DLG2: variants seen among roughly 807,000 people sequenced by gnomAD.
The protein encoded by DLG2 is discs large MAGUK scaffold protein 2, also known as disks large homolog 2.
DLG2 carries 45 observed loss-of-function variants against 132.5 expected under a neutral mutation model. That is an observed-to-expected ratio of 0.34 (90% CI 0.27 to 0.44). DLG2 has a LOEUF of 0.44. Ranked by LOEUF, DLG2 falls within the 20% of genes least tolerant of loss-of-function variation. DLG2 has a pLI of 1.00. For synonymous variants in DLG2, 424 were observed against 419.6 expected (o/e 1.01, Z -0.13); for missense variants, 1,045 against 1,196.9 (o/e 0.87, Z 1.87).
At position 83,471,606 on chromosome 11, in the gene DLG2, G is replaced by A. The variant is rs771369935; in HGVS notation, c.2446+20C>T. 137 of 1,575,836 alleles carry A rather than the reference G, an allele frequency of 8.7e-5. No individual in the cohort carries two copies. Among genetic ancestry groups the A allele is most frequent in the African/African-American group, 1.4e-5 (1 of 73,958 alleles). On this transcript the variant is annotated intron_variant, in intron 24 of 27. Coordinates refer to ENST00000376104, the MANE Select transcript of DLG2 (RefSeq NM_001142699.3). ...CAAGCTCTTTTTGTTTTTCCTAGAG[G>A]AAAGAAAAATGACACTTACGAGGCA... is the stretch of plus-strand genomic sequence containing the variant.
At chr11:83,477,138 A>C (rs1591496032) in intron 22 of DLG2, among the ~76,000 whole-genome samples, 1 of 152,202 alleles carries the variant, frequency 6.6e-6, no homozygotes, top group East Asian at 1.9e-4. Context: ...TGATGATGTA[A>C]AGAGCTTTAC....
intron 6 of DLG2, among the ~76,000 whole-genome samples, chr11:84,692,185 A>T (rs1286481277): frequency 6.6e-6 from 1 of 151,802 alleles, no homozygotes; most frequent in African/African-American, 2.4e-5. Context: ...CCCCAAACTC[A>T]GGACTCATTT....
intron 3 of DLG2, among the ~76,000 whole-genome samples, chr11:85,357,085 T>C (rs2083758821): frequency 6.6e-6 from 1 of 152,066 alleles, no homozygotes; most frequent in South Asian, 2.1e-4. Flanking sequence ...GCTCAATAAA[T>C]TGTAACTATT....
At chr11:83,562,431 C>T (rs1037088473) in intron 19 of DLG2, among the ~76,000 whole-genome samples, 4 of 151,998 alleles carry the variant, frequency 2.6e-5, no homozygotes, top group Admixed American at 1.3e-4. Flanking sequence ...ACCATTTACC[C>T]CTGACCACCC....
At chr11:85,187,348 C>G (rs540180604) in intron 4 of DLG2, among the ~76,000 whole-genome samples, 1 of 151,968 alleles carries the variant, frequency 6.6e-6, no homozygotes, top group Admixed American at 6.6e-5. Context: ...GAGAAAAGAA[C>G]AAATAAAAAT....
chr11:85,162,777 T>A (rs565681035), intron 4 of DLG2, among the ~76,000 whole-genome samples: 99 of 152,294 alleles, frequency 6.5e-4, no homozygotes, highest in African/African-American at 2.4e-3. Context: ...TTATGTATGA[T>A]CTCAGGAGAT....
At chr11:84,087,694 T>A (rs1171474446) in intron 10 of DLG2, among the ~76,000 whole-genome samples, 1 of 152,130 alleles carries the variant, frequency 6.6e-6, no homozygotes, top group East Asian at 1.9e-4. Context: ...AATGAAGAGA[T>A]AGGATGATGG....
intron 3 of DLG2, among the ~76,000 whole-genome samples, chr11:85,513,361 TAG>T (rs1172840445): frequency 6.6e-6 from 1 of 151,866 alleles, no homozygotes; most frequent in East Asian, 1.9e-4. Flanking sequence ...AAATTAAAAA[TAG>T]AGTTTTTAAT....
At chr11:83,536,491 T>C (rs1032181650) in intron 20 of DLG2, among the ~76,000 whole-genome samples, 2 of 152,006 alleles carry the variant, frequency 1.3e-5, no homozygotes, top group African/African-American at 2.4e-5. Flanking sequence ...CCTAGCTCTT[T>C]CTGGGATGCA....
At chr11:85,248,981 A>G (rs1471007494) in intron 4 of DLG2, among the ~76,000 whole-genome samples, 5 of 152,086 alleles carry the variant, frequency 3.3e-5, no homozygotes, top group Non-Finnish European at 7.4e-5. Context: ...AATCAACTCA[A>G]TGAAATATAA....
intron 4 of DLG2, among the ~76,000 whole-genome samples, chr11:85,225,603 C>G (rs1283551741): frequency 6.6e-6 from 1 of 152,092 alleles, no homozygotes; most frequent in Non-Finnish European, 1.5e-5. Context: ...TTTCTCTCCA[C>G]TGACTTCTGC....
intron 11 of DLG2, among the ~76,000 whole-genome samples, chr11:84,033,264 G>A (rs1043830653): frequency 4.6e-5 from 7 of 152,156 alleles, no homozygotes; most frequent in Non-Finnish European, 7.4e-5. Context: ...CATGATTCAT[G>A]GGAGGCGGTC....
At chr11:84,227,222 C>A (rs1388177236) in intron 8 of DLG2, among the ~76,000 whole-genome samples, 5 of 151,944 alleles carry the variant, frequency 3.3e-5, no homozygotes, top group Non-Finnish European at 4.4e-5. Flanking sequence ...CAAAAATAAA[C>A]CACATTTTGA....
Position 84,535,335 on chromosome 11 carries a change from A to G in DLG2, c.358-604T>C, listed in dbSNP as rs1351397782. ...TTGGGTTAGTCAGATTCCAGGACAA[A>G]AGATCACAATTTTTAGAAGCAGAGC... On this transcript the variant is annotated intron_variant, in intron 6 of 27. Coordinates refer to ENST00000376104, the MANE Select transcript of DLG2 (RefSeq NM_001142699.3). Among the ~76,000 whole-genome samples, 5 of 152,324 alleles carry G rather than the reference A, an allele frequency of 3.3e-5. No homozygotes were observed. The East Asian group carries it at 9.6e-4, about 29-fold the overall frequency.
At chr11:83,603,078 G>A (rs2058804274) in intron 19 of DLG2, among the ~76,000 whole-genome samples, 2 of 151,998 alleles carry the variant, frequency 1.3e-5, no homozygotes, top group South Asian at 2.1e-4. Context: ...GTGTTCGTGT[G>A]TGTGTGAATG....
chr11:84,117,166 A>G (rs758968371), intron 9 of DLG2, among the ~76,000 whole-genome samples: 5 of 152,134 alleles, frequency 3.3e-5, no homozygotes, highest in Admixed American at 2.0e-4. Context: ...AACTGCTCCC[A>G]CTTCTAAGGT....
intron 6 of DLG2, among the ~76,000 whole-genome samples, chr11:84,785,032 C>T (rs1475213782): frequency 6.6e-6 from 1 of 152,004 alleles, no homozygotes; most frequent in East Asian, 1.9e-4. Flanking sequence ...TGTATGTATA[C>T]TTTAAAACAT....
intron 4 of DLG2, among the ~76,000 whole-genome samples, chr11:85,243,773 C>T (rs909616159): frequency 5.9e-5 from 9 of 151,940 alleles, no homozygotes; most frequent in African/African-American, 2.2e-4. Context: ...ACAAACCACC[C>T]GCCCAACCTT....
chr11:84,112,595 A>G (rs1250777990), intron 9 of DLG2, among the ~76,000 whole-genome samples: 2 of 151,188 alleles, frequency 1.3e-5, no homozygotes, highest in African/African-American at 4.9e-5. Context: ...TTCTTCTAGT[A>G]TTTCTTGGCA....
Sources: gnomAD v4.1 joint callset for allele counts (sites outside exome capture counted in the v4.1 genomes callset) on GRCh38, gnomAD v4.1.1 for gene constraint, MANE v1.5 for transcripts, NCBI Gene and HGNC (gene_info 2026-07-23, HGNC 2026-07-21) for gene names.